DUSP10: variants seen among roughly 807,000 people sequenced by gnomAD.
The protein encoded by DUSP10 is dual specificity phosphatase 10.
A neutral mutation model predicts 30.8 loss-of-function variants in DUSP10; 14 were observed. That is an observed-to-expected ratio of 0.46 (90% CI 0.30 to 0.71). The LOEUF (loss-of-function observed/expected upper bound fraction) is 0.71. DUSP10 is among the 30% of genes least tolerant of loss of function. The pLI is 0.08. For missense variants in DUSP10, 550 were observed against 619.4 expected (o/e 0.89, Z 1.19); for synonymous variants, 254 against 250.4 (o/e 1.01, Z -0.14).
intron 2 of DUSP10, among the ~76,000 whole-genome samples, chr1:221,716,666 G>A (rs1661115817): frequency 6.6e-6 from 1 of 152,232 alleles, no homozygotes; most frequent in African/African-American, 2.4e-5. Context: ...TGGCTAAGAA[G>A]GGTGCCTACC....
At chr1:221,711,798 C>G (rs10746413) in intron 2 of DUSP10, 96,027 of 152,014 alleles carry the variant, frequency 0.63, 31,162 homozygotes, top group African/African-American at 0.79. Flanking sequence ...CTGTAAGTTG[C>G]ATACTATTTT....
Position 221,739,569 on chromosome 1 carries a change from G to A in DUSP10, c.176C>T (p.Thr59Met), listed in dbSNP as rs369421974. The A allele has an allele frequency of 1.9e-6, 3 of 1,614,158 alleles. No homozygotes were observed. The highest frequency in any genetic ancestry group is 2.5e-6 in the Non-Finnish European group (3 of 1,180,030). The part of the protein sequence containing the change: ...TVVSLKAANL[T>M]YMPSSSGSAR... ...AGAGCCGCTGGATGAGGGCATATAC[G>A]TCAGATTCGCAGCCTTGAGGGACAC... Residue 59 changes from threonine to methionine, a missense_variant, in exon 2 of 4, where the codon ACG (threonine) becomes ATG (methionine). Coordinates refer to ENST00000366899, the MANE Select transcript of DUSP10 (RefSeq NM_007207.6).
At chr1:221,704,817 G>T (rs751562741) in intron 3 of DUSP10, among the ~76,000 whole-genome samples, 7 of 152,096 alleles carry the variant, frequency 4.6e-5, no homozygotes, top group Non-Finnish European at 1.0e-4. Flanking sequence ...ATGGTCCTGT[G>T]CTGACGGCAT....
chr1:221,739,508 G>T lies in DUSP10; in HGVS notation c.237C>A (p.Ser79Arg). Residue 79 changes from serine to arginine, a missense_variant, in exon 2 of 4, where the codon AGC becomes AGA. By Grantham distance (110) the Ser-to-Arg change is moderately radical. Transcript: ENST00000366899. ...TGTCGTAGGTTGCCACAGTGCAGCAGCTGGCACTGCTGCATCCACAATTCA... is the reference window on the plus strand; with the variant it reads ...TGTCGTAGGTTGCCACAGTGCAGCATCTGGCACTGCTGCATCCACAATTCA... ...RSLNCGCSSA[S>R]CCTVATYDKD... 1.2e-6 allele frequency: 2 copies of T among 1,614,218 alleles called. No individual in the cohort carries two copies. The highest frequency in any genetic ancestry group is 1.7e-6 in the Non-Finnish European group (2 of 1,180,044).
intron 2 of DUSP10, among the ~76,000 whole-genome samples, chr1:221,729,845 A>G (rs912831156): frequency 6.6e-6 from 1 of 152,268 alleles, no homozygotes; most frequent in African/African-American, 2.4e-5. Flanking sequence ...TAAAAATAGA[A>G]ATTAAAAGAA....
intron 2 of DUSP10, among the ~76,000 whole-genome samples, chr1:221,714,166 C>G (rs957723164): frequency 2.0e-5 from 3 of 152,114 alleles, no homozygotes; most frequent in Non-Finnish European, 2.9e-5. Context: ...ATATAGAATA[C>G]TGAGGCTTAC....
At chr1:221,730,830 A>C (rs1425033818) in intron 2 of DUSP10, among the ~76,000 whole-genome samples, 2 of 151,302 alleles carry the variant, frequency 1.3e-5, no homozygotes, top group Non-Finnish European at 2.9e-5. Flanking sequence ...ATAACTCTCT[A>C]TATATCTATA....
intron 2 of DUSP10, among the ~76,000 whole-genome samples, chr1:221,717,651 C>T (rs1296444997): frequency 2.0e-5 from 3 of 152,068 alleles, no homozygotes; most frequent in East Asian, 1.9e-4. Flanking sequence ...TAATCCCCAG[C>T]GTGAGGTCAT....
intron 2 of DUSP10, among the ~76,000 whole-genome samples, chr1:221,707,424 T>C (rs964091560): frequency 6.6e-6 from 1 of 152,186 alleles, no homozygotes; most frequent in Non-Finnish European, 1.5e-5. Context: ...CATAAACCCA[T>C]CAAGAAACCT....
At chr1:221,712,391 G>A (rs1005056989) in intron 2 of DUSP10, among the ~76,000 whole-genome samples, 1 of 152,152 alleles carries the variant, frequency 6.6e-6, no homozygotes, top group African/African-American at 2.4e-5. Context: ...GGAAGAAAGA[G>A]ATTTAGGAGG....
intron 2 of DUSP10, among the ~76,000 whole-genome samples, chr1:221,735,665 A>G (rs552340794): frequency 6.6e-6 from 1 of 152,318 alleles, no homozygotes; most frequent in Admixed American, 6.5e-5. Flanking sequence ...ATGCTTGAAA[A>G]TGTTTATAAT....
intron 2 of DUSP10, among the ~76,000 whole-genome samples, chr1:221,713,601 C>G (rs554089980): frequency 3.4e-5 from 5 of 146,758 alleles, no homozygotes; most frequent in African/African-American, 1.2e-4. Context: ...TCTATAAAAA[C>G]TTAGTTTCAA....
In DUSP10 at chr1:221,739,074, G is replaced by A. The variant is rs1041926601; in HGVS notation, c.671C>T (p.Ser224Phe). ...TTCTTTGGAAAAGATCCTCTTGAAA[G>A]AGTCCTTGCCTTCCCTACAGGAAAT... ...DLISCREGKD[S>F]FKRIFSKEII... is the part of the protein sequence containing the mutation. Residue 224 changes from serine to phenylalanine, a missense_variant, in exon 2 of 4, where the codon TCT (serine) becomes TTT (phenylalanine). By Grantham distance (155) the Ser-to-Phe change is radical. Coordinates refer to ENST00000366899, the MANE Select transcript of DUSP10 (RefSeq NM_007207.6). 1 of 1,614,204 alleles carries A rather than the reference G, an allele frequency of 6.2e-7. No homozygotes were observed. The highest frequency in any genetic ancestry group is 2.2e-5 in the East Asian group (1 of 44,888).
rs1406393031 is a variant in DUSP10 at position 221,738,945 on chromosome 1, A to G, written c.800T>C (p.Leu267Pro). 2 of 1,608,994 alleles carry G rather than the reference A, an allele frequency of 1.2e-6. No individual in the cohort carries two copies. Among genetic ancestry groups the G allele is most frequent in the South Asian group, 1.1e-5 (1 of 90,334 alleles). ...AGCAGGGGCATTACCTTTCAACACC[A>G]GAGGTTCTTTGCCTTCTCTCTTCAG... is the stretch of plus-strand genomic sequence containing the variant. ...ESLKREGKEP[L>P]VLKGGLSSFK... Residue 267 changes from leucine (L) to proline (P), a missense_variant, in exon 2 of 4, where the codon CTG becomes CCG. By Grantham distance (98) the Leu-to-Pro change is moderately conservative (BLOSUM62 -3). Transcript: ENST00000366899.
At chr1:221,708,630 A>T (rs757628161) in intron 2 of DUSP10, among the ~76,000 whole-genome samples, 3 of 152,254 alleles carry the variant, frequency 2.0e-5, no homozygotes, top group Admixed American at 6.5e-5. Flanking sequence ...ATGACAATAA[A>T]GTTTGAACCT....
At chr1:221,731,728 C>T (rs1377922905) in intron 2 of DUSP10, among the ~76,000 whole-genome samples, 1 of 151,340 alleles carries the variant, frequency 6.6e-6, no homozygotes, top group Non-Finnish European at 1.5e-5. Flanking sequence ...CCTGCCTCAG[C>T]CTCCCGAGTA....
rs1234752491 is a variant in DUSP10, at chr1:221,718,125, G to C, written c.812-11659C>G. On this transcript the variant is annotated intron_variant, in intron 2 of 3. Transcript: ENST00000366899. ...CAGGGTGGTGGGGGTGGGGGCGGGGGCTGCAGGGGGTGGGGGTGTGCTGAA... is the reference window on the plus strand; with the variant it reads ...CAGGGTGGTGGGGGTGGGGGCGGGGCCTGCAGGGGGTGGGGGTGTGCTGAA... Among the ~76,000 whole-genome samples, 5 of 94,398 alleles carry C rather than the reference G, an allele frequency of 5.3e-5. No homozygotes were observed. The Admixed American group carries it at 5.7e-4, about 11-fold the overall frequency. 61.9% of individuals were successfully genotyped at this position (94,398 alleles called of 152,430 possible).
At chr1:221,728,723 C>A (rs1191474811) in intron 2 of DUSP10, among the ~76,000 whole-genome samples, 1 of 152,200 alleles carries the variant, frequency 6.6e-6, no homozygotes, top group Non-Finnish European at 1.5e-5. Flanking sequence ...AAAGCATAAA[C>A]AATCAAATAC....
intron 2 of DUSP10, among the ~76,000 whole-genome samples, chr1:221,709,744 G>T (rs1169250425): frequency 6.6e-6 from 1 of 152,072 alleles, no homozygotes; most frequent in East Asian, 1.9e-4. Flanking sequence ...CTTCTCTTGG[G>T]GAAGGGTTGA....
Sources: gnomAD v4.1 joint callset for allele counts (sites outside exome capture counted in the v4.1 genomes callset) on GRCh38, gnomAD v4.1.1 for gene constraint, MANE v1.5 for transcripts, NCBI Gene and HGNC (gene_info 2026-07-23, HGNC 2026-07-21) for gene names.